SLC26A7: variants seen among roughly 807,000 people sequenced by gnomAD.
SLC26A7 encodes anion exchange transporter.
Under a neutral mutation model 82.5 loss-of-function variants are expected in SLC26A7, and 59 were observed. The ratio of observed to expected loss-of-function variants is 0.72; its 90% CI spans 0.58 to 0.89. The LOEUF (loss-of-function observed/expected upper bound fraction) is 0.89. Among genes scored for constraint, SLC26A7 ranks in the 40% least tolerant of loss-of-function variants. The pLI is 0.00. For synonymous variants in SLC26A7, 271 were observed against 274.3 expected (o/e 0.99, Z 0.12); for missense variants, 820 against 793.0 (o/e 1.03, Z -0.41).
In SLC26A7 at chr8:91,249,743, G is replaced by A. The variant is rs760098026; in HGVS notation, c.92G>A (p.Arg31Gln). ...CEDIIQWCRR[R>Q]LPILDWAPHY... ...GACATTATACAGTGGTGTAGAAGGC[G>A]ACTGCCCATTTTGGATTGGGCACCA... Residue 31 changes from arginine to glutamine, a missense_variant, in exon 2 of 19, where the codon CGA becomes CAA. Arg to Gln is a conservative substitution (Grantham distance 43). Transcript: ENST00000276609. 2.3e-5 allele frequency: 37 copies of A among 1,612,490 alleles called. No individual in the cohort carries two copies. In the East Asian group the frequency reaches 6.9e-4, roughly 30 times the overall value.
chr8:91,386,134 T>C (rs16912691), intron 15 of SLC26A7, among the ~76,000 whole-genome samples: 7,957 of 152,228 alleles, frequency 0.052, 290 homozygotes, highest in African/African-American at 0.11. Flanking sequence ...ATTGAACTCA[T>C]GTCAGACAGT....
At chr8:91,358,543 G>A (rs1475265542) in intron 11 of SLC26A7, among the ~76,000 whole-genome samples, 1 of 151,824 alleles carries the variant, frequency 6.6e-6, no homozygotes, top group Non-Finnish European at 1.5e-5. Context: ...TGTTAGTCAG[G>A]ATGGTCTCGA....
intron 16 of SLC26A7, among the ~76,000 whole-genome samples, chr8:91,392,764 G>T (rs553847741): frequency 6.6e-6 from 1 of 152,246 alleles, no homozygotes; most frequent in South Asian, 2.1e-4. Context: ...GGAGGTCAGT[G>T]AACTGGAGAT....
Position 91,397,536 on chromosome 8 carries a change from G to A in SLC26A7, c.*2439G>A, listed in dbSNP as rs535815276. ...CTATAAGAGTGTTAAGGACCTAATA[G>A]AGTGACATATATAAATTAAGCATAA... On this transcript the variant is annotated 3_prime_UTR_variant, in exon 19 of 19. Coordinates refer to ENST00000276609, the MANE Select transcript of SLC26A7 (RefSeq NM_052832.4). 6.6e-6 allele frequency: 1 copy of A among 152,562 alleles called. No homozygotes were observed. Among genetic ancestry groups the A allele is most frequent in the East Asian group, 1.9e-4 (1 of 5,180 alleles). 9.5% of individuals were successfully genotyped at this position (152,562 alleles called of 1,614,324 possible). A position where few individuals can be genotyped will look rare whatever the true frequency, so the allele number is the denominator to read the frequency against.
chr8:91,349,715 C>A (rs1214392573), intron 9 of SLC26A7, among the ~76,000 whole-genome samples: 1 of 152,114 alleles, frequency 6.6e-6, no homozygotes, highest in Non-Finnish European at 1.5e-5. Flanking sequence ...AAAGTTCATT[C>A]CAGCTCCTAA....
chr8:91,377,459 C>T (rs751451580), intron 15 of SLC26A7, among the ~76,000 whole-genome samples: 5 of 152,130 alleles, frequency 3.3e-5, no homozygotes, highest in South Asian at 2.1e-4. Flanking sequence ...AAAGTCAGAG[C>T]GGGTTGTAGG....
intron 4 of SLC26A7, among the ~76,000 whole-genome samples, chr8:91,309,343 A>G (rs1812411501): frequency 6.6e-6 from 1 of 151,656 alleles, no homozygotes; most frequent in Admixed American, 6.6e-5. Context: ...AAACATGAGC[A>G]TATACTTAGG....
chr8:91,288,028 AC>A (rs2130763907), intron 2 of SLC26A7, among the ~76,000 whole-genome samples: 1 of 152,346 alleles, frequency 6.6e-6, no homozygotes, highest in Admixed American at 6.5e-5. Context: ...TCATTGGTTA[AC>A]TTTTCATGTA....
At chr8:91,366,475 G>A (rs1421013475) in intron 13 of SLC26A7, 105 bp from the exon 14 acceptor site, 12 of 1,244,066 alleles carry the variant, frequency 9.6e-6, no homozygotes, top group African/African-American at 3.1e-5. Flanking sequence ...TAATAAAAAT[G>A]TTAATTGAGA....
chr8:91,365,750 T>G (rs1433859192), intron 13 of SLC26A7, among the ~76,000 whole-genome samples: 1 of 152,218 alleles, frequency 6.6e-6, no homozygotes, highest in Non-Finnish European at 1.5e-5. Context: ...TTTCTTTCTT[T>G]CATACTTCTA....
chr8:91,219,027 T>C (rs552000833), intron 2 of SLC26A7: 10 of 1,301,650 alleles, frequency 7.7e-6, no homozygotes, highest in Non-Finnish European at 1.1e-5. Flanking sequence ...ATTCATAGCC[T>C]CACTCCACTT....
upstream of SLC26A7, among the ~76,000 whole-genome samples, chr8:91,245,039 A>T (rs1180173875): frequency 2.6e-5 from 4 of 152,204 alleles, no homozygotes; most frequent in African/African-American, 9.6e-5. Context: ...CTATCATGAG[A>T]AAAATATTAA....
At chr8:91,316,042 T>C (rs1437857370) in intron 4 of SLC26A7, among the ~76,000 whole-genome samples, 1 of 152,184 alleles carries the variant, frequency 6.6e-6, no homozygotes, top group Non-Finnish European at 1.5e-5. Context: ...ATTTTCAGAT[T>C]TGAGCCCATG....
intron 5 of SLC26A7, among the ~76,000 whole-genome samples, chr8:91,329,832 C>T (rs1563682164): frequency 6.6e-6 from 1 of 152,036 alleles, no homozygotes; most frequent in Non-Finnish European, 1.5e-5. Context: ...GTCTCTATCC[C>T]CTTTCCCTGT....
chr8:91,392,005 A>G (rs1018094783), intron 16 of SLC26A7, among the ~76,000 whole-genome samples: 7 of 152,192 alleles, frequency 4.6e-5, no homozygotes, highest in African/African-American at 4.8e-5. Context: ...AGAGAAATTC[A>G]AACAATCTTG....
chr8:91,302,011 G>C (rs1370301407), intron 4 of SLC26A7, among the ~76,000 whole-genome samples: 1 of 151,810 alleles, frequency 6.6e-6, no homozygotes, highest in Non-Finnish European at 1.5e-5. Flanking sequence ...GAGTCTTTTT[G>C]CTTTTCAGTT....
chr8:91,272,373 A>C (rs1196786230), intron 2 of SLC26A7, among the ~76,000 whole-genome samples: 1 of 152,194 alleles, frequency 6.6e-6, no homozygotes, highest in African/African-American at 2.4e-5. Context: ...AGATGTTTGC[A>C]ATCTAAATGG....
intron 11 of SLC26A7, among the ~76,000 whole-genome samples, chr8:91,355,713 T>G (rs1019238092): frequency 6.6e-6 from 1 of 151,998 alleles, no homozygotes; most frequent in Non-Finnish European, 1.5e-5. Context: ...ATCTATCTTT[T>G]GCCTCTTTTT....
chr8:91,273,624 T>C (rs987790206), intron 2 of SLC26A7, among the ~76,000 whole-genome samples: 3 of 152,122 alleles, frequency 2.0e-5, no homozygotes, highest in Admixed American at 1.3e-4. Flanking sequence ...AATAAGAATA[T>C]AACACTGGAA....
Sources: gnomAD v4.1 joint callset for allele counts (sites outside exome capture counted in the v4.1 genomes callset) on GRCh38, gnomAD v4.1.1 for gene constraint, MANE v1.5 for transcripts, NCBI Gene and HGNC (gene_info 2026-07-23, HGNC 2026-07-21) for gene names.